The following TBCD variants were observed in gnomAD, a reference collection of about 807,000 sequenced individuals.
TBCD encodes tubulin-specific chaperone D.
Under a neutral mutation model 169.3 loss-of-function variants are expected in TBCD, and 105 were observed. The observed-to-expected ratio is 0.62, with a 90% CI of 0.53 to 0.73. TBCD has a LOEUF of 0.73. Ranked by LOEUF, TBCD falls within the 30% of genes least tolerant of loss-of-function variation. TBCD has a pLI of 0.00. For synonymous variants in TBCD, 700 were observed against 643.9 expected, an observed-to-expected ratio of 1.09 and a Z score of -1.32; for missense variants, 1,444 against 1,600.1, an observed-to-expected ratio of 0.90 and a Z score of 1.66.
chr17:82,884,278 A>C lies in TBCD; in HGVS notation c.1533+76A>C. The C allele has an allele frequency of 1.4e-6, 2 of 1,387,482 alleles. No homozygotes were observed. The highest frequency in any genetic ancestry group is 1.4e-5 in the African/African-American group (1 of 69,858). The allele number at this position is 1,387,482 out of a possible 1,614,324, so 85.9% of individuals were successfully genotyped here. A position where few individuals can be genotyped will look rare whatever the true frequency, so the allele number is the denominator to read the frequency against. On this transcript the variant is annotated intron_variant, in intron 15 of 38. Transcript: ENST00000355528. This position sits in a 1 kb window ranked among gnomAD's most constrained non-coding sequence, Gnocchi z 4.2. ...TGGTCTCCCTGATGCTCCTCTGTGC[A>C]CTGCTGCCTGGCCAGCTCACCCATC...
Position 82,752,101 on chromosome 17 carries a change from T to TA in TBCD, c.-93_-92insA. The TA allele has an allele frequency of 7.5e-7, 1 of 1,330,170 alleles. No individual in the cohort carries two copies. The highest frequency in any genetic ancestry group is 9.7e-7 in the Non-Finnish European group (1 of 1,029,640). The allele number at this position is 1,330,170 out of a possible 1,614,324, so 82.4% of individuals were successfully genotyped here. The stretch of plus-strand genomic sequence containing the variant: ...TTGCCGCCTTAGCGGGCGCCTCCTT[T>TA]TCATCCCTCATCCTTCATCCCTGGC... On this transcript the variant is annotated 5_prime_UTR_variant, in exon 1 of 39. Transcript: ENST00000355528.
intron 13 of TBCD, chr17:82,838,677 C>T (rs1398949891): frequency 3.0e-6 from 3 of 985,320 alleles, no homozygotes; most frequent in African/African-American, 3.5e-5. Flanking sequence ...TCCCTCCCAG[C>T]CTTTCGGTTC....
intron 13 of TBCD, among the ~76,000 whole-genome samples, chr17:82,850,143 C>T (rs1420013090): frequency 4.2e-5 from 3 of 71,690 alleles, no homozygotes; most frequent in African/African-American, 6.2e-5. Flanking sequence ...GTTGGCTGTG[C>T]TGTTGTTGGC....
At chr17:82,938,714 CATG>C (rs1441279762) in intron 36 of TBCD, among the ~76,000 whole-genome samples, 20 of 152,214 alleles carry the variant, frequency 1.3e-4, no homozygotes, top group African/African-American at 4.6e-4. Flanking sequence ...CGCAGTGAGA[CATG>C]ATGACCAGGG....
chr17:82,847,842 T>C (rs4986116), intron 13 of TBCD, among the ~76,000 whole-genome samples: 109,231 of 152,016 alleles, frequency 0.72, 39,374 homozygotes, highest in East Asian at 0.79. Context: ...AGGATGGTCT[T>C]GATCTCCTGA....
chr17:82,758,400 A>AAAAATAAAT (rs1035939621), intron 2 of TBCD, among the ~76,000 whole-genome samples: 1 of 100,060 alleles, frequency 1.0e-5, no homozygotes, highest in South Asian at 3.8e-4. Context: ...AAAAAAAAAA[A>AAAAATAAAT]AAATAAATAA....
At chr17:82,929,821 T>C (rs2062051520) in intron 32 of TBCD, 1 of 491,256 alleles carries the variant, frequency 2.0e-6, no homozygotes, top group Non-Finnish European at 3.7e-6. Flanking sequence ...TGTGGGTACC[T>C]GGGCTCCATC....
intron 22 of TBCD, among the ~76,000 whole-genome samples, chr17:82,910,629 G>T (rs1357413725): frequency 6.6e-6 from 1 of 151,806 alleles, no homozygotes; most frequent in African/African-American, 2.4e-5. Flanking sequence ...TGCAGTGGCA[G>T]CATGTCGGCT....
chr17:82,919,958 C>T lies in TBCD; in HGVS notation c.2039-598C>T, dbSNP rs148729738. Among the ~76,000 whole-genome samples the T allele has an allele frequency of 6.8e-4, 104 of 152,310 alleles. 1 individual carries two copies. In the Middle Eastern group the frequency reaches 0.01, roughly 15 times the overall value. On this transcript the variant is annotated intron_variant, in intron 23 of 38. Transcript: ENST00000355528. The stretch of plus-strand genomic sequence containing the variant: ...TGAACAAGTGTGCAGCAGGCGTCTG[C>T]GAGTGGGTTCCGTTGTTAGGTAGAG...
At chr17:82,933,112 G>A (rs1158922411) in intron 34 of TBCD, among the ~76,000 whole-genome samples, 1 of 152,270 alleles carries the variant, frequency 6.6e-6, no homozygotes, top group East Asian at 1.9e-4. Flanking sequence ...AGAGGGCAGA[G>A]GCCGGTGACC....
chr17:82,771,339 T>C (rs2048304291), intron 5 of TBCD, among the ~76,000 whole-genome samples: 1 of 151,754 alleles, frequency 6.6e-6, no homozygotes, highest in Admixed American at 6.6e-5. Context: ...TAGCCAGGTG[T>C]GGTGGTACAC....
intron 13 of TBCD, among the ~76,000 whole-genome samples, chr17:82,850,187 G>C (rs2055618845): frequency 8.2e-6 from 1 of 122,556 alleles, no homozygotes; most frequent in African/African-American, 3.2e-5. Context: ...TGTTGGCTGT[G>C]CTGCTGTTGG....
intron 12 of TBCD, among the ~76,000 whole-genome samples, chr17:82,812,036 G>A (rs1185906718): frequency 2.6e-5 from 4 of 152,134 alleles, no homozygotes; most frequent in South Asian, 2.1e-4. Flanking sequence ...AAGCGTGCAC[G>A]ACTCCCTCAG....
intron 14 of TBCD, 31 bp downstream of exon 14, chr17:82,870,411 C>T (rs779123079): frequency 1.2e-5 from 20 of 1,600,730 alleles, no homozygotes; most frequent in African/African-American, 2.7e-5. Flanking sequence ...ACATCGGATG[C>T]GCCGTGCCCC....
intron 6 of TBCD, among the ~76,000 whole-genome samples, chr17:82,778,877 G>A (rs1031556152): frequency 2.0e-5 from 3 of 152,056 alleles, no homozygotes; most frequent in African/African-American, 7.2e-5. Flanking sequence ...GGCCAGGGTG[G>A]TCTCAAACTC....
intron 13 of TBCD, among the ~76,000 whole-genome samples, chr17:82,843,100 C>G (rs933382853): frequency 1.3e-5 from 2 of 152,314 alleles, no homozygotes; most frequent in Non-Finnish European, 1.5e-5. Context: ...TCTATTTTCT[C>G]TAGCTTCTAG....
chr17:82,779,165 C>A (rs2048788534), intron 6 of TBCD, among the ~76,000 whole-genome samples: 1 of 152,018 alleles, frequency 6.6e-6, no homozygotes, highest in South Asian at 2.1e-4. Context: ...GAATGCGCCA[C>A]CATGCCCAGC....
At position 82,920,061 on chromosome 17, in the gene TBCD, C is replaced by G. The variant is rs2061323220; in HGVS notation, c.2039-495C>G. 6.6e-6 allele frequency among the ~76,000 whole-genome samples: 1 copy of G among 152,134 alleles called. No homozygotes were observed. Among genetic ancestry groups the G allele is most frequent in the African/African-American group, 2.4e-5 (1 of 41,426 alleles). On this transcript the variant is annotated intron_variant, in intron 23 of 38. Transcript: ENST00000355528. The surrounding 1 kb of genome is among the most constrained non-coding windows in gnomAD (Gnocchi z 4.1). ...TCGTCTCTGTCTCGTGCGTCCTGGC[C>G]CCCTCGTGGCTGGTCAGGGCCACGT...
At chr17:82,931,293 A>G (rs1256774844) in intron 33 of TBCD, among the ~76,000 whole-genome samples, 1 of 152,170 alleles carries the variant, frequency 6.6e-6, no homozygotes, top group Non-Finnish European at 1.5e-5. Flanking sequence ...TTTTCTCGTT[A>G]CGACTATAAT....
Sources: gnomAD v4.1 joint callset for allele counts (sites outside exome capture counted in the v4.1 genomes callset) on GRCh38, gnomAD v4.1.1 for gene constraint, Gnocchi (gnomAD v3.1) non-coding constraint, MANE v1.5 for transcripts, NCBI Gene and HGNC (gene_info 2026-07-23, HGNC 2026-07-21) for gene names.